Variants in NEBL observed in about 807,000 individuals in gnomAD.
The protein encoded by NEBL is nebulette, also known as LIM and SH3 protein 2.
Under a neutral mutation model 140.2 loss-of-function variants are expected in NEBL, and 122 were observed. That is an observed-to-expected ratio of 0.87 (90% confidence interval 0.75 to 1.01). The LOEUF (loss-of-function observed/expected upper bound fraction) is 1.01. NEBL is among the 50% of genes least tolerant of loss of function. The pLI, the probability that NEBL is intolerant of heterozygous loss-of-function variation, is 0.00. For missense variants in NEBL, 1,365 were observed against 1,231.3 expected (o/e 1.11, Z -1.62); for synonymous variants, 436 against 398.9 (o/e 1.09, Z -1.11).
chr10:21,194,715 C>T lies in NEBL; in HGVS notation n.349-22238G>A, dbSNP rs149388851. 1.8e-3 allele frequency among the ~76,000 whole-genome samples: 274 copies of T among 152,246 alleles called. 1 individual carries two copies. The highest frequency in any genetic ancestry group is 6.3e-3 in the African/African-American group (261 of 41,548). ...AGAGCCTCTCCCCAGATCTGTCCTG[C>T]ACAATCCAATTACATCAGCCAACAA... On this transcript the variant is annotated intron_variant and non_coding_transcript_variant, in intron 3 of 8. Coordinates refer to the NEBL transcript ENST00000675702.
At chr10:21,079,482 C>G (rs560842053) in intron 2 of NEBL, among the ~76,000 whole-genome samples, 1 of 152,196 alleles carries the variant, frequency 6.6e-6, no homozygotes, top group Non-Finnish European at 1.5e-5. Context: ...AGTGGGCACA[C>G]AGAATTTGTG....
chr10:20,902,974 T>C (rs1242832546), intron 4 of NEBL, among the ~76,000 whole-genome samples: 1 of 152,210 alleles, frequency 6.6e-6, no homozygotes, highest in Non-Finnish European at 1.5e-5. Flanking sequence ...TCTTTCATTA[T>C]CTTTGAACTA....
chr10:20,828,109 T>C (rs760476500), intron 17 of NEBL, among the ~76,000 whole-genome samples: 1 of 152,094 alleles, frequency 6.6e-6, no homozygotes, highest in Non-Finnish European at 1.5e-5. Context: ...GCAATTCCTC[T>C]TCCTCAAAAT....
At chr10:20,989,800 A>C (rs960156805) in intron 3 of NEBL, among the ~76,000 whole-genome samples, 1 of 152,180 alleles carries the variant, frequency 6.6e-6, no homozygotes, top group African/African-American at 2.4e-5. Context: ...CTTTTGGAGC[A>C]GGGGTCCTTA....
At chr10:20,849,353 AAATC>A (rs1441577850) in intron 11 of NEBL, among the ~76,000 whole-genome samples, 1 of 152,206 alleles carries the variant, frequency 6.6e-6, no homozygotes, top group African/African-American at 2.4e-5. Context: ...TATTGAAAAA[AAATC>A]AATCAAATAC....
intron 19 of NEBL, among the ~76,000 whole-genome samples, chr10:20,820,734 A>G (rs892416606): frequency 6.6e-6 from 1 of 152,182 alleles, no homozygotes; most frequent in Non-Finnish European, 1.5e-5. Flanking sequence ...CTGAGGCAGG[A>G]GAATTGCTTG....
intron 3 of NEBL, among the ~76,000 whole-genome samples, chr10:21,189,088 A>C (rs1405867669): frequency 6.6e-6 from 1 of 152,208 alleles, no homozygotes; most frequent in Non-Finnish European, 1.5e-5. Flanking sequence ...TCAATGTCCT[A>C]ATCCCCAACA....
At chr10:21,236,955 C>A (rs760748036) in intron 3 of NEBL, among the ~76,000 whole-genome samples, 13 of 152,120 alleles carry the variant, frequency 8.5e-5, no homozygotes, top group Non-Finnish European at 1.9e-4. Flanking sequence ...ACCAAGGCAT[C>A]GGTTAGTAAC....
intron 3 of NEBL, among the ~76,000 whole-genome samples, chr10:20,970,986 A>G (rs1052361149): frequency 2.6e-5 from 4 of 152,256 alleles, no homozygotes; most frequent in Non-Finnish European, 5.9e-5. Flanking sequence ...ATAGGATGCC[A>G]AAAGATTTGC....
At chr10:21,043,406 C>T (rs2131835754) in intron 2 of NEBL, among the ~76,000 whole-genome samples, 1 of 152,318 alleles carries the variant, frequency 6.6e-6, no homozygotes, top group South Asian at 2.1e-4. Context: ...GCTTTCTATG[C>T]ACAATAAACA....
intron 2 of NEBL, among the ~76,000 whole-genome samples, chr10:21,167,279 A>G (rs1033862832): frequency 2.0e-5 from 3 of 152,242 alleles, no homozygotes; most frequent in Non-Finnish European, 4.4e-5. Flanking sequence ...ATGAGAGGGA[A>G]TCTTACTTGG....
At chr10:20,942,264 G>C (rs901485809) in intron 4 of NEBL, among the ~76,000 whole-genome samples, 64 of 152,140 alleles carry the variant, frequency 4.2e-4, no homozygotes, top group Admixed American at 4.0e-3. Context: ...GAACAGAACA[G>C]AGCCCTCAGA....
intron 2 of NEBL, among the ~76,000 whole-genome samples, chr10:21,058,675 G>T (rs1355919103): frequency 6.6e-6 from 1 of 152,104 alleles, no homozygotes; most frequent in Non-Finnish European, 1.5e-5. Context: ...TTTCTTAAAA[G>T]TTCCCAATTA....
chr10:21,069,935 T>C (rs1258423760), intron 2 of NEBL: 2 of 449,212 alleles, frequency 4.5e-6, no homozygotes, highest in Non-Finnish European at 8.9e-6. Context: ...CATGTAAATA[T>C]CCCCTATCAT....
intron 2 of NEBL, among the ~76,000 whole-genome samples, chr10:21,106,132 T>C (rs537768025): frequency 1.3e-5 from 2 of 152,232 alleles, no homozygotes; most frequent in East Asian, 3.9e-4. Context: ...TCCCATTCTG[T>C]AGGTTGCCTG....
intron 3 of NEBL, among the ~76,000 whole-genome samples, chr10:21,185,136 C>G (rs1841444755): frequency 2.6e-5 from 4 of 152,140 alleles, no homozygotes. Flanking sequence ...AAAAAGGAAC[C>G]AAGAGAAAGT....
At chr10:21,181,263 C>CA (rs35619848) in intron 3 of NEBL, among the ~76,000 whole-genome samples, 32,923 of 125,864 alleles carry the variant, frequency 0.26, 3,811 homozygotes, top group East Asian at 0.39. Context: ...AACTCTGTCT[C>CA]AAAAAAAAAA....
intron 2 of NEBL, chr10:21,113,121 GA>G (rs1038436410): frequency 3.9e-6 from 1 of 257,866 alleles, no homozygotes; most frequent in Admixed American, 5.1e-5. Flanking sequence ...GGAGGAAGTG[GA>G]GGAGGAGGGA....
rs149480931 is a variant in NEBL at position 21,239,459 on chromosome 10, T to C, written n.348+8462A>G. On this transcript the variant is annotated intron_variant and non_coding_transcript_variant, in intron 3 of 8. Coordinates refer to the NEBL transcript ENST00000675702. ...TCCCACTCTGCACCCCCACATCCCA[T>C]TTTCTCACTCCTGCCTTAGTCTTTT... Among the ~76,000 whole-genome samples, 453 of 152,110 alleles carry C rather than the reference T, an allele frequency of 3.0e-3. 1 individual carries two copies. The highest frequency in any genetic ancestry group is 9.6e-3 in the African/African-American group (397 of 41,508).
Sources: allele counts gnomAD v4.1 joint callset (sites outside exome capture counted in the v4.1 genomes callset), GRCh38; gene constraint gnomAD v4.1.1; transcripts MANE v1.5; gene names NCBI Gene and HGNC (gene_info 2026-07-23, HGNC 2026-07-21).